Variants in COL4A2 observed in about 807,000 individuals in gnomAD.
The protein encoded by COL4A2 is collagen type IV alpha 2 chain, also known as collagen alpha-2(IV) chain.
Under a neutral mutation model 200.2 loss-of-function variants are expected in COL4A2, and 99 were observed. That is an observed-to-expected ratio of 0.49 (90% CI 0.42 to 0.58). COL4A2 has a LOEUF of 0.58. Ranked by LOEUF, COL4A2 falls within the 20% of genes least tolerant of loss-of-function variation. COL4A2 has a pLI of 0.00. For synonymous variants in COL4A2, 897 were observed against 900.6 expected (o/e 1.00, Z 0.07); for missense variants, 1,950 against 2,314.1 (o/e 0.84, Z 3.23).
At chr13:110,310,969 C>T (rs1884964710) in intron 3 of COL4A2, among the ~76,000 whole-genome samples, 1 of 152,202 alleles carries the variant, frequency 6.6e-6, no homozygotes, top group South Asian at 2.1e-4. Context: ...AGAACCCAGG[C>T]CTCTTCCTCC....
chr13:110,437,899 G>A (rs1880955617), intron 13 of COL4A2, 103 bp from the exon 14 acceptor site: 4 of 928,098 alleles, frequency 4.3e-6, no homozygotes, highest in Non-Finnish European at 7.1e-6. Flanking sequence ...ATTGTGTGAG[G>A]ATTGATTCAG....
intron 3 of COL4A2, among the ~76,000 whole-genome samples, chr13:110,316,643 C>T (rs1472982757): frequency 6.6e-6 from 1 of 152,178 alleles, no homozygotes; most frequent in Admixed American, 6.5e-5. Flanking sequence ...TGCGAAGAAA[C>T]ATAGCAAATC....
intron 4 of COL4A2, among the ~76,000 whole-genome samples, chr13:110,399,615 C>A (rs1023426220): frequency 6.6e-6 from 1 of 152,154 alleles, no homozygotes; most frequent in Non-Finnish European, 1.5e-5. Flanking sequence ...ATAGCATTCC[C>A]TTGGTGACAC....
chr13:110,361,253 C>T (rs1465300470), intron 4 of COL4A2, among the ~76,000 whole-genome samples: 1 of 152,238 alleles, frequency 6.6e-6, no homozygotes, highest in Non-Finnish European at 1.5e-5. Flanking sequence ...CCCAAATGTG[C>T]TCTTGCAGAA....
chr13:110,402,948 C>G (rs1010435993), intron 4 of COL4A2, among the ~76,000 whole-genome samples: 2 of 152,230 alleles, frequency 1.3e-5, no homozygotes, highest in Non-Finnish European at 2.9e-5. Flanking sequence ...TGAGCTACAC[C>G]TGGACCCACT....
Position 110,469,157 on chromosome 13 carries a change from G to T in COL4A2, c.2096-60G>T. 2.6e-6 allele frequency: 4 copies of T among 1,539,486 alleles called. No homozygotes were observed. The South Asian group carries it at 4.8e-5, about 18-fold the overall frequency. ...CCACATTAAGTCAGATGCCAAGCAT[G>T]ACCATGCCCATTTATCCTCGTGGAG... On this transcript the variant is annotated intron_variant, in intron 27 of 47. Coordinates refer to ENST00000360467, the MANE Select transcript of COL4A2 (RefSeq NM_001846.4).
Position 110,451,531 on chromosome 13 carries a change from C to G in COL4A2, c.1339+1077C>G, listed in dbSNP as rs188806489. Among the ~76,000 whole-genome samples, 15 of 152,308 alleles carry G rather than the reference C, an allele frequency of 9.8e-5. No individual in the cohort carries two copies. In the East Asian group the frequency reaches 2.9e-3, roughly 29 times the overall value. On this transcript the variant is annotated intron_variant, in intron 20 of 47. Coordinates refer to ENST00000360467, the MANE Select transcript of COL4A2 (RefSeq NM_001846.4). ...CAGAAGGGGAAGCAAACATGTCCTT[C>G]TTCGTGGCATCAGGAAGGAGAAGTA... is the stretch of plus-strand genomic sequence containing the variant.
intron 3 of COL4A2, among the ~76,000 whole-genome samples, chr13:110,335,067 G>A (rs530243115): frequency 6.6e-6 from 1 of 152,164 alleles, no homozygotes; most frequent in East Asian, 1.9e-4. Flanking sequence ...TGCAGAGGCC[G>A]AGCCCCCAGC....
chr13:110,480,489 G>A (rs748372640), intron 31 of COL4A2, 99 bp downstream of exon 31: 1 of 1,305,498 alleles, frequency 7.7e-7, no homozygotes, highest in Non-Finnish European at 1.0e-6. Context: ...GTGGGCCGTG[G>A]GGCTGGCCTC....
intron 4 of COL4A2, among the ~76,000 whole-genome samples, chr13:110,396,169 C>T (rs1030581159): frequency 1.3e-5 from 2 of 152,152 alleles, no homozygotes; most frequent in African/African-American, 4.8e-5. Context: ...ACCCCTAGTT[C>T]CTCCGATTAT....
intron 4 of COL4A2, among the ~76,000 whole-genome samples, chr13:110,383,470 A>G (rs1684066030): frequency 6.6e-6 from 1 of 152,184 alleles, no homozygotes; most frequent in African/African-American, 2.4e-5. Flanking sequence ...TGAGAGTTAC[A>G]TTCATAGGTT....
At chr13:110,320,739 C>T (rs12877336) in intron 3 of COL4A2, among the ~76,000 whole-genome samples, 19,456 of 152,170 alleles carry the variant, frequency 0.13, 1,554 homozygotes, top group Non-Finnish European at 0.18. Flanking sequence ...AGAATTCATC[C>T]GTTTTAAAAG....
intron 4 of COL4A2, among the ~76,000 whole-genome samples, chr13:110,358,413 C>G (rs990721483): frequency 6.6e-6 from 1 of 152,170 alleles, no homozygotes; most frequent in African/African-American, 2.4e-5. Context: ...GAAGCACCTG[C>G]CTGAGGCTAT....
At chr13:110,493,599 C>T (rs1055701674) in intron 39 of COL4A2, among the ~76,000 whole-genome samples, 1 of 152,146 alleles carries the variant, frequency 6.6e-6, no homozygotes, top group Non-Finnish European at 1.5e-5. Context: ...GCACCTGCGC[C>T]CCTCAGGTGT....
Position 110,430,285 on chromosome 13 carries a change from A to AGG in COL4A2, c.550-115_550-114dup. On this transcript the variant is annotated intron_variant, in intron 8 of 47. Coordinates refer to ENST00000360467, the MANE Select transcript of COL4A2 (RefSeq NM_001846.4). ...TTAATATTAGTAAATTAACATTACT[A>AGG]GGTCCTGATAGGGCTGATCTGTTTG... 2.3e-6 allele frequency: 3 copies of AGG among 1,277,546 alleles called. No individual in the cohort carries two copies. In the South Asian group the frequency reaches 5.2e-5, roughly 22 times the overall value. 79.1% of individuals were successfully genotyped at this position (1,277,546 alleles called of 1,614,324 possible).
At chr13:110,368,434 T>G (rs754589482) in intron 4 of COL4A2, among the ~76,000 whole-genome samples, 4 of 152,240 alleles carry the variant, frequency 2.6e-5, no homozygotes, top group Non-Finnish European at 5.9e-5. Context: ...GCAATAAGCT[T>G]CATTTCACAG....
chr13:110,504,565 CTA>C (rs1042706588), intron 45 of COL4A2, among the ~76,000 whole-genome samples: 10 of 152,192 alleles, frequency 6.6e-5, no homozygotes, highest in Non-Finnish European at 1.2e-4. Flanking sequence ...AAGAAACCGA[CTA>C]TTAAAATGTA....
At chr13:110,405,938 C>T (rs567088293) in intron 4 of COL4A2, among the ~76,000 whole-genome samples, 3 of 152,228 alleles carry the variant, frequency 2.0e-5, no homozygotes, top group Non-Finnish European at 4.4e-5. Flanking sequence ...AACAATGAAG[C>T]GCATTTGTGG....
intron 4 of COL4A2, among the ~76,000 whole-genome samples, chr13:110,366,367 C>A (rs1426212604): frequency 6.6e-6 from 1 of 152,194 alleles, no homozygotes; most frequent in Non-Finnish European, 1.5e-5. Flanking sequence ...TCAGTCTTCC[C>A]AGTTGGGTTT....
Sources: gnomAD v4.1 joint callset for allele counts (sites outside exome capture counted in the v4.1 genomes callset) on GRCh38, gnomAD v4.1.1 for gene constraint, MANE v1.5 for transcripts, NCBI Gene and HGNC (gene_info 2026-07-23, HGNC 2026-07-21) for gene names.